C2CD2: variants seen among roughly 807,000 people sequenced by gnomAD.
C2CD2 encodes C2 calcium dependent domain containing 2.
A neutral mutation model predicts 74.3 loss-of-function variants in C2CD2; 43 were observed. The observed-to-expected ratio is 0.58, with a 90% CI of 0.45 to 0.75. The LOEUF (loss-of-function observed/expected upper bound fraction) is 0.75. Ranked by LOEUF, C2CD2 falls within the 30% of genes least tolerant of loss-of-function variation. The pLI, the probability that C2CD2 is intolerant of heterozygous loss-of-function variation, is 0.00. For missense variants in C2CD2, 801 were observed against 916.3 expected (o/e 0.87, Z 1.63); for synonymous variants, 422 against 390.7 (o/e 1.08, Z -0.94).
In C2CD2 at chr21:41,926,543, C is replaced by A; in HGVS notation, c.379-4458G>T. 1 of 784,446 alleles carries A rather than the reference C, an allele frequency of 1.3e-6. No homozygotes were observed. The highest frequency in any genetic ancestry group is 1.5e-6 in the Non-Finnish European group (1 of 646,432). 48.6% of individuals were successfully genotyped at this position (784,446 alleles called of 1,614,324 possible). A position where few individuals can be genotyped will look rare whatever the true frequency, so the allele number is the denominator to read the frequency against. ...ACCTTCTCGGTGCTCTCTCCAGCCTCAACACCTTGACCTCATGTAGTCACA... is the reference window on the plus strand; with the variant it reads ...ACCTTCTCGGTGCTCTCTCCAGCCTAAACACCTTGACCTCATGTAGTCACA... On this transcript the variant is annotated intron_variant, in intron 2 of 13. Coordinates refer to ENST00000380486, the MANE Select transcript of C2CD2 (RefSeq NM_015500.2). The surrounding 1 kb of genome is among the most constrained non-coding windows in gnomAD (Gnocchi z 8.0).
At chr21:41,905,675 A>T in intron 11 of C2CD2, 49 bp downstream of exon 11, 1 of 963,104 alleles carries the variant, frequency 1.0e-6, no homozygotes, top group Non-Finnish European at 1.6e-6. Context: ...ACAGCCCAAA[A>T]GGCCCAAAGG....
At position 41,939,912 on chromosome 21, in the gene C2CD2, A is replaced by G. The variant is rs2065340563; in HGVS notation, c.378+2235T>C. ...GGGGTCCTCCGGTGCTTGTCTGAGGAGTCGGGAGGCGGTGAACAGACACAA... is the reference window on the plus strand; with the variant it reads ...GGGGTCCTCCGGTGCTTGTCTGAGGGGTCGGGAGGCGGTGAACAGACACAA... On this transcript the variant is annotated intron_variant, in intron 2 of 13. Transcript: ENST00000380486. The surrounding 1 kb of genome is among the most constrained non-coding windows in gnomAD (Gnocchi z 5.5). 6.6e-6 allele frequency among the ~76,000 whole-genome samples: 1 copy of G among 152,122 alleles called. No individual in the cohort carries two copies. The highest frequency in any genetic ancestry group is 2.1e-4 in the South Asian group (1 of 4,824).
intron 2 of C2CD2, among the ~76,000 whole-genome samples, chr21:41,927,786 A>G (rs1316298539): frequency 2.6e-5 from 4 of 152,312 alleles, no homozygotes; most frequent in African/African-American, 9.6e-5. Flanking sequence ...TATTTTTATA[A>G]GAAATTCTCG....
In C2CD2 at chr21:41,912,357, G is replaced by A; in HGVS notation, c.928C>T (p.Leu310Phe). The A allele has an allele frequency of 6.2e-7, 1 of 1,611,686 alleles. No homozygotes were observed. Among genetic ancestry groups the A allele is most frequent in the Non-Finnish European group, 8.5e-7 (1 of 1,179,134 alleles). ...AAGGTGAATTCCTCTTCCCACATGA[G>A]GTCCGGAGTGTTTTTCGTCAGGGTG... is the stretch of plus-strand genomic sequence containing the variant. ...SSTLTKNTPD[L>F]MWEEEFTFEL... The change falls in exon 7 of 14, where the codon CTC becomes TTC. Residue 310 changes from leucine to phenylalanine, a missense_variant. Leu to Phe is a conservative substitution (Grantham distance 22, BLOSUM62 0). Coordinates refer to ENST00000380486, the MANE Select transcript of C2CD2 (RefSeq NM_015500.2).
At chr21:41,951,542 A>G (rs545274477) in intron 1 of C2CD2, among the ~76,000 whole-genome samples, 43 of 152,310 alleles carry the variant, frequency 2.8e-4, no homozygotes, top group African/African-American at 1.0e-3. Flanking sequence ...TGTGGCCAAC[A>G]GCAGAGAGAG....
intron 3 of C2CD2, among the ~76,000 whole-genome samples, chr21:41,919,397 C>T (rs1243332680): frequency 6.6e-6 from 1 of 152,250 alleles, no homozygotes; most frequent in Admixed American, 6.5e-5. Flanking sequence ...GGACCCCAAA[C>T]TCTCTTTACC....
intron 3 of C2CD2, among the ~76,000 whole-genome samples, chr21:41,921,596 A>T (rs2146198840): frequency 6.6e-6 from 1 of 152,364 alleles, no homozygotes; most frequent in African/African-American, 2.4e-5. Context: ...GCCCCACGGC[A>T]GCCACTCAGC....
intron 1 of C2CD2, among the ~76,000 whole-genome samples, chr21:41,947,173 T>C (rs2065407971): frequency 2.8e-5 from 3 of 107,648 alleles, no homozygotes; most frequent in African/African-American, 7.4e-5. Flanking sequence ...TCCTTCTTTT[T>C]TGAGACGGAG....
At chr21:41,941,089 C>T (rs2065350759) in intron 2 of C2CD2, among the ~76,000 whole-genome samples, 1 of 152,126 alleles carries the variant, frequency 6.6e-6, no homozygotes, top group African/African-American at 2.4e-5. Flanking sequence ...TGGAGAGTCA[C>T]ATCTATAATC....
rs567965893 is a variant in C2CD2 at position 41,922,166 on chromosome 21, T to C, written c.379-81A>G. The C allele has an allele frequency of 5.2e-5, 40 of 773,962 alleles. 1 individual carries two copies. The highest frequency in any genetic ancestry group is 4.4e-4 in the East Asian group (16 of 35,968). The allele number at this position is 773,962 out of a possible 1,614,324, so 47.9% of individuals were successfully genotyped here. On this transcript the variant is annotated intron_variant, in intron 2 of 13. Transcript: ENST00000380486. ...GCATACGCATCTTCTTCTTCTTCTT[T>C]TTTTTTTTTTGAGACAAGGTCTCAC...
chr21:41,896,371 C>T (rs148548430), intron 13 of C2CD2, among the ~76,000 whole-genome samples: 11 of 152,212 alleles, frequency 7.2e-5, no homozygotes, highest in African/African-American at 1.7e-4. Context: ...GCACACAGGA[C>T]GCCACTGTGC....
rs150934004 is a variant in C2CD2, at chr21:41,942,871, C to T, written c.280-626G>A. ...CTGGTGGCTGCCCACAGAGTAGACTCCTCAACCCCTACTTCACAGCCCTCT... is the reference window on the plus strand; with the variant it reads ...CTGGTGGCTGCCCACAGAGTAGACTTCTCAACCCCTACTTCACAGCCCTCT... On this transcript the variant is annotated intron_variant, in intron 1 of 13. Transcript: ENST00000380486. 2.2e-5 allele frequency: 13 copies of T among 593,688 alleles called. No homozygotes were observed. In the East Asian group the frequency reaches 1.7e-3, roughly 77 times the overall value. The allele number at this position is 593,688 out of a possible 1,614,324, so 36.8% of individuals were successfully genotyped here. A position where few individuals can be genotyped will look rare whatever the true frequency, so the allele number is the denominator to read the frequency against.
At chr21:41,917,522 G>A (rs2065105942) in intron 5 of C2CD2, among the ~76,000 whole-genome samples, 1 of 152,204 alleles carries the variant, frequency 6.6e-6, no homozygotes, top group African/African-American at 2.4e-5. Context: ...AGGCCCATGA[G>A]GTTGACCAGG....
intron 2 of C2CD2, 78 bp from the exon 3 acceptor site, chr21:41,922,163 C>T (rs9974090): frequency 0.29 from 186,406 of 649,606 alleles, 21,221 homozygotes; most frequent in African/African-American, 0.31. Flanking sequence ...TCTTCTTCTT[C>T]TTTTTTTTTT....
At chr21:41,917,208 T>G (rs2065102430) in intron 5 of C2CD2, among the ~76,000 whole-genome samples, 1 of 152,238 alleles carries the variant, frequency 6.6e-6, no homozygotes, top group African/African-American at 2.4e-5. Flanking sequence ...TGCCATCAAC[T>G]GATATCTGTC....
rs1172622829 is a variant in C2CD2, at chr21:41,939,594, G to A, written c.378+2553C>T. ...CCAAGAGTATAAAATGGGCACTGGA[G>A]CACCTGCCGCAGGGCCCTCCCAGCT... On this transcript the variant is annotated intron_variant, in intron 2 of 13. Coordinates refer to ENST00000380486, the MANE Select transcript of C2CD2 (RefSeq NM_015500.2). This position sits in a 1 kb window ranked among gnomAD's most constrained non-coding sequence, Gnocchi z 5.5. Among the ~76,000 whole-genome samples, 3 of 152,220 alleles carry A rather than the reference G, an allele frequency of 2.0e-5. No homozygotes were observed. The highest frequency in any genetic ancestry group is 7.2e-5 in the African/African-American group (3 of 41,446).
chr21:41,933,031 C>T (rs906117702), intron 2 of C2CD2, among the ~76,000 whole-genome samples: 13 of 150,258 alleles, frequency 8.7e-5, no homozygotes, highest in Admixed American at 3.3e-4. Flanking sequence ...CTTATCCTTC[C>T]GATCAGAGAT....
In C2CD2 at chr21:41,912,937, G is replaced by A. The variant is rs118005502; in HGVS notation, c.845-497C>T. On this transcript the variant is annotated intron_variant, in intron 6 of 13. Coordinates refer to ENST00000380486, the MANE Select transcript of C2CD2 (RefSeq NM_015500.2). ...AATGCTCATAGCACCAGCCTTTATT[G>A]GAGTTAAGTAATTTTTTCCCACATT... Among the ~76,000 whole-genome samples, 56 of 152,340 alleles carry A rather than the reference G, an allele frequency of 3.7e-4. No individual in the cohort carries two copies. In the East Asian group the frequency reaches 9.8e-3, roughly 27 times the overall value.
intron 13 of C2CD2, among the ~76,000 whole-genome samples, chr21:41,897,938 C>A (rs556414105): frequency 6.6e-6 from 1 of 152,196 alleles, no homozygotes; most frequent in Admixed American, 6.5e-5. Flanking sequence ...CACTAGATGC[C>A]GACTGCACCC....
Sources: gnomAD v4.1 joint callset for allele counts (sites outside exome capture counted in the v4.1 genomes callset) on GRCh38, gnomAD v4.1.1 for gene constraint, Gnocchi (gnomAD v3.1) non-coding constraint, MANE v1.5 for transcripts, NCBI Gene and HGNC (gene_info 2026-07-23, HGNC 2026-07-21) for gene names.